Variants in SLC35F4 observed in about 807,000 individuals in gnomAD.
SLC35F4 encodes the protein solute carrier family 35 member F4, also known as chromosome 14 open reading frame 36.
A neutral mutation model predicts 44.2 loss-of-function variants in SLC35F4; 24 were observed. The observed-to-expected ratio is 0.54, with a 90% CI of 0.39 to 0.76. SLC35F4 has a LOEUF of 0.76. SLC35F4 is among the 30% of genes least tolerant of loss of function. SLC35F4 has a pLI of 0.00. For missense variants in SLC35F4, 562 were observed against 586.1 expected (o/e 0.96, Z 0.42); for synonymous variants, 238 against 223.6 (o/e 1.06, Z -0.57).
intron 1 of SLC35F4, among the ~76,000 whole-genome samples, chr14:57,682,266 C>T (rs1594785761): frequency 6.6e-6 from 1 of 152,066 alleles, no homozygotes; most frequent in Non-Finnish European, 1.5e-5. Context: ...CAATGATAGA[C>T]TGGATAAAGA....
At chr14:57,780,640 C>CA (rs778897792) in intron 1 of SLC35F4, among the ~76,000 whole-genome samples, 8 of 151,886 alleles carry the variant, frequency 5.3e-5, no homozygotes, top group Non-Finnish European at 1.2e-4. Flanking sequence ...GGCAAAAGAA[C>CA]AAAAAGAACA....
At chr14:57,698,200 G>C (rs2075439077) in intron 1 of SLC35F4, among the ~76,000 whole-genome samples, 1 of 152,168 alleles carries the variant, frequency 6.6e-6, no homozygotes, top group Non-Finnish European at 1.5e-5. Flanking sequence ...CATGGCTGCA[G>C]TGTAAGGATA....
chr14:57,604,586 A>C (rs2071037898), intron 1 of SLC35F4, among the ~76,000 whole-genome samples: 1 of 152,222 alleles, frequency 6.6e-6, no homozygotes, highest in Non-Finnish European at 1.5e-5. Flanking sequence ...GCCATTTTTC[A>C]CAGAATTGGA....
intron 1 of SLC35F4, among the ~76,000 whole-genome samples, chr14:57,925,205 G>A (rs1889533217): frequency 6.6e-6 from 1 of 151,998 alleles, no homozygotes; most frequent in Non-Finnish European, 1.5e-5. Context: ...TCCTACACTG[G>A]GGATCAAATT....
intron 1 of SLC35F4, among the ~76,000 whole-genome samples, chr14:57,658,694 T>C (rs1464460010): frequency 6.6e-6 from 1 of 152,156 alleles, no homozygotes; most frequent in Non-Finnish European, 1.5e-5. Context: ...CCAAGGTTCT[T>C]TGGAGAAATG....
At chr14:57,768,582 A>G (rs1487588234) in intron 1 of SLC35F4, among the ~76,000 whole-genome samples, 1 of 152,240 alleles carries the variant, frequency 6.6e-6, no homozygotes, top group Non-Finnish European at 1.5e-5. Flanking sequence ...AATTCTCGAA[A>G]TAATTCTTCC....
chr14:57,751,709 C>A (rs1475689306), intron 1 of SLC35F4, among the ~76,000 whole-genome samples: 3 of 151,914 alleles, frequency 2.0e-5, no homozygotes, highest in Non-Finnish European at 2.9e-5. Context: ...AGGAATAGGA[C>A]AAAAATGGAA....
chr14:57,899,929 G>A (rs887654018), intron 1 of SLC35F4, among the ~76,000 whole-genome samples: 5 of 152,270 alleles, frequency 3.3e-5, no homozygotes, highest in East Asian at 3.9e-4. Context: ...CCACAGAGTG[G>A]AAGGGGACCC....
At chr14:57,798,909 AACTCAGTCAATATCAGAGCACC>A (rs1162891083) in intron 1 of SLC35F4, among the ~76,000 whole-genome samples, 1 of 152,176 alleles carries the variant, frequency 6.6e-6, no homozygotes, top group African/African-American at 2.4e-5. Context: ...AAGCTCCAAA[AACTCAGTCAATATCAGAGCACC>A]ACTCACGCTA....
At chr14:57,590,947 T>C (rs1313722712) in intron 2 of SLC35F4, among the ~76,000 whole-genome samples, 1 of 152,176 alleles carries the variant, frequency 6.6e-6, no homozygotes, top group African/African-American at 2.4e-5. Context: ...CTTTCTGATA[T>C]AATCATTGGG....
At chr14:57,851,818 T>C (rs1166601244) in intron 1 of SLC35F4, among the ~76,000 whole-genome samples, 2 of 152,182 alleles carry the variant, frequency 1.3e-5, no homozygotes, top group Non-Finnish European at 2.9e-5. Flanking sequence ...TTCTGGCAAA[T>C]GTACCATGCT....
At chr14:57,697,358 G>T (rs969172286) in intron 1 of SLC35F4, among the ~76,000 whole-genome samples, 5 of 152,064 alleles carry the variant, frequency 3.3e-5, no homozygotes, top group Admixed American at 3.3e-4. Flanking sequence ...TTTTTAAAAT[G>T]TATTAAGGTT....
At chr14:57,602,616 A>G (rs2070895668) in intron 1 of SLC35F4, 1 of 152,136 alleles carries the variant, frequency 6.6e-6, no homozygotes, top group Admixed American at 6.5e-5. Context: ...CAATAATCAT[A>G]CCTTGTATGT....
chr14:57,810,935 C>T (rs995031826), intron 1 of SLC35F4, among the ~76,000 whole-genome samples: 27 of 152,310 alleles, frequency 1.8e-4, no homozygotes, highest in South Asian at 6.2e-4. Context: ...CTAATATTGT[C>T]AGGTGACAAA....
intron 1 of SLC35F4, among the ~76,000 whole-genome samples, chr14:57,649,913 G>C (rs2073713773): frequency 6.6e-6 from 1 of 152,122 alleles, no homozygotes; most frequent in African/African-American, 2.4e-5. Context: ...TGCAGCCTCA[G>C]ATATGCACCC....
At chr14:57,612,884 T>C (rs2140055904) in intron 1 of SLC35F4, among the ~76,000 whole-genome samples, 1 of 152,308 alleles carries the variant, frequency 6.6e-6, no homozygotes, top group South Asian at 2.1e-4. Context: ...ACACACTAAA[T>C]ATTCAACAAA....
chr14:57,813,971 G>A (rs1025354062), intron 1 of SLC35F4, among the ~76,000 whole-genome samples: 1 of 152,160 alleles, frequency 6.6e-6, no homozygotes, highest in Non-Finnish European at 1.5e-5. Context: ...CATTAGCGGT[G>A]GGAATTAGAG....
At chr14:57,649,474 T>C (rs577163250) in intron 1 of SLC35F4, among the ~76,000 whole-genome samples, 7 of 152,278 alleles carry the variant, frequency 4.6e-5, no homozygotes, top group Non-Finnish European at 7.4e-5. Context: ...CTGCTTCTTA[T>C]AAAGGAAGCT....
intron 1 of SLC35F4, among the ~76,000 whole-genome samples, chr14:57,659,798 TAAACTTTACCTCCTCA>T (rs1313425259): frequency 1.3e-5 from 2 of 152,224 alleles, no homozygotes; most frequent in African/African-American, 4.8e-5. Context: ...CTTAGCTTAA[TAAACTTTACCTCCTCA>T]AAATAACAGT....
Sources: gnomAD v4.1 joint callset for allele counts (sites outside exome capture counted in the v4.1 genomes callset) on GRCh38, gnomAD v4.1.1 for gene constraint, MANE v1.5 for transcripts, NCBI Gene and HGNC (gene_info 2026-07-23, HGNC 2026-07-21) for gene names.